PI4KA: variants seen among roughly 807,000 people sequenced by gnomAD.
PI4KA encodes phosphatidylinositol 4-kinase alpha.
Under a neutral mutation model 271.4 loss-of-function variants are expected in PI4KA, and 122 were observed. That is an observed-to-expected ratio of 0.45 (90% CI 0.39 to 0.52). The LOEUF (loss-of-function observed/expected upper bound fraction) is 0.52. PI4KA is among the 20% of genes least tolerant of loss of function. The pLI is 0.00. For synonymous variants in PI4KA, 1,041 were observed against 1,078.8 expected (o/e 0.96, Z 0.69); for missense variants, 1,969 against 2,769.1 (o/e 0.71, Z 6.48).
chr22:20,799,811 G>A (rs1355723947), intron 14 of PI4KA, 45 bp from the exon 15 acceptor site: 5 of 1,255,884 alleles, frequency 4.0e-6, no homozygotes, highest in Admixed American at 2.6e-5. Context: ...ATCAAACCAA[G>A]ATAGGTTTTT....
chr22:20,762,754 C>T (rs911009896), intron 22 of PI4KA, among the ~76,000 whole-genome samples: 2 of 152,152 alleles, frequency 1.3e-5, no homozygotes, highest in East Asian at 3.9e-4. Flanking sequence ...AAAAAGACTA[C>T]AAACAGCTAT....
intron 32 of PI4KA, 93 bp downstream of exon 32, chr22:20,742,135 G>A: frequency 7.5e-7 from 1 of 1,340,410 alleles, no homozygotes; most frequent in Non-Finnish European, 1.0e-6. Flanking sequence ...CTTGCCCAGT[G>A]TCTCCATGCT....
At chr22:20,855,108 T>C (rs1038796570) in intron 1 of PI4KA, among the ~76,000 whole-genome samples, 17 of 147,678 alleles carry the variant, frequency 1.2e-4, no homozygotes, top group Admixed American at 1.0e-3. Flanking sequence ...ACCGAGATCA[T>C]GCCACTGCAC....
intron 2 of PI4KA, among the ~76,000 whole-genome samples, chr22:20,836,928 A>G (rs191859758): frequency 1.1e-4 from 17 of 152,364 alleles, no homozygotes; most frequent in African/African-American, 3.8e-4. Flanking sequence ...TAAATCTATC[A>G]AGAAACGTGT....
chr22:20,805,823 C>T (rs5760715), intron 10 of PI4KA, among the ~76,000 whole-genome samples: 11,130 of 135,386 alleles, frequency 0.082, 424 homozygotes, highest in African/African-American at 0.1. Flanking sequence ...CAGAGCGAGA[C>T]TCCCATCTCA....
chr22:20,838,906 A>C (rs1044262762), intron 1 of PI4KA, among the ~76,000 whole-genome samples, 175 bp from the exon 2 acceptor site: 4 of 152,130 alleles, frequency 2.6e-5, no homozygotes, highest in African/African-American at 4.8e-5. Flanking sequence ...GTGAGACCCT[A>C]TCTCTTAAAT....
chr22:20,777,101 G>A (rs1933354787), intron 19 of PI4KA, among the ~76,000 whole-genome samples: 2 of 152,070 alleles, frequency 1.3e-5, no homozygotes, highest in East Asian at 3.9e-4. Context: ...CCAGGTTGGA[G>A]TGCAGTAGTG....
Position 20,853,600 on chromosome 22 carries a change from CACAG to C in PI4KA, c.156+4966_156+4969del, listed in dbSNP as rs1414719402. The stretch of plus-strand genomic sequence containing the variant: ...GGGTAGGATTTGGTTCAAAGGGCTT[CACAG>C]ACAGAGTGTCCTCTGAGGTGGGTTC... On this transcript the variant is annotated intron_variant, in intron 1 of 54. Coordinates refer to ENST00000255882, the MANE Select transcript of PI4KA (RefSeq NM_058004.4). Among the ~76,000 whole-genome samples, 4 of 152,312 alleles carry C rather than the reference CACAG, an allele frequency of 2.6e-5. No homozygotes were observed. In the Middle Eastern group the frequency reaches 0.01, roughly 389 times the overall value.
At chr22:20,746,248 G>C (rs1442185201) in intron 29 of PI4KA, among the ~76,000 whole-genome samples, 1 of 151,818 alleles carries the variant, frequency 6.6e-6, no homozygotes, top group Non-Finnish European at 1.5e-5. Context: ...ATTTTTAGTA[G>C]AGACGGGGTT....
At chr22:20,851,825 C>T (rs936469366) in intron 1 of PI4KA, among the ~76,000 whole-genome samples, 1 of 152,174 alleles carries the variant, frequency 6.6e-6, no homozygotes, top group Non-Finnish European at 1.5e-5. Flanking sequence ...ATGAAAGTAG[C>T]GTTCTGGCCA....
In PI4KA at chr22:20,721,405, C is replaced by T. The variant is rs772643561; in HGVS notation, c.5009G>A (p.Arg1670Gln). The T allele has an allele frequency of 9.9e-6, 16 of 1,613,718 alleles. No individual in the cohort carries two copies. Among genetic ancestry groups the T allele is most frequent in the Admixed American group, 6.7e-5 (4 of 60,002 alleles). ...ALRYDKMGYVREYILWAASKS... is the reference protein window; with the variant it reads ...ALRYDKMGYVQEYILWAASKS... ...AGACGCTGCCCACAGAATATACTCC[C>T]GCACATAGCCCATCTGCAGGAGAGC... The change falls in exon 43 of 55, where the codon CGG becomes CAG. Residue 1670 changes from arginine (R) to glutamine (Q), a missense_variant. Physicochemically the swap from Arg to Gln is conservative, Grantham distance 43. Around this residue, in one of 13 missense-constraint regions of PI4KA, gnomAD observed 388 missense variants for 521.5 expected, o/e 0.74. Coordinates refer to ENST00000255882, the MANE Select transcript of PI4KA (RefSeq NM_058004.4).
chr22:20,821,643 A>G (rs921117706), intron 4 of PI4KA, among the ~76,000 whole-genome samples: 4 of 151,620 alleles, frequency 2.6e-5, no homozygotes, highest in African/African-American at 9.7e-5. Context: ...CCCAGGCTGC[A>G]GTGCAATGGC....
Position 20,731,854 on chromosome 22 carries a change from G to A in PI4KA, c.4288+1117C>T, listed in dbSNP as rs190162300. 6.3e-3 allele frequency among the ~76,000 whole-genome samples: 957 copies of A among 152,066 alleles called. 5 individuals are homozygous for A. The highest frequency in any genetic ancestry group is 0.01 in the Admixed American group (154 of 15,268). On this transcript the variant is annotated intron_variant, in intron 36 of 54. Transcript: ENST00000255882. ...TGAAGCAGGAGAATGGTGTGAACCCGGGAGGCGGAGCTTGCAGTGAGCGGA... is the reference window on the plus strand; with the variant it reads ...TGAAGCAGGAGAATGGTGTGAACCCAGGAGGCGGAGCTTGCAGTGAGCGGA...
intron 19 of PI4KA, among the ~76,000 whole-genome samples, chr22:20,792,389 G>A (rs1429873465): frequency 6.6e-6 from 1 of 152,138 alleles, no homozygotes; most frequent in Non-Finnish European, 1.5e-5. Flanking sequence ...GGCTGCCCTA[G>A]CAGTTCTGCC....
intron 17 of PI4KA, among the ~76,000 whole-genome samples, chr22:20,796,679 T>G (rs1220086133): frequency 6.6e-6 from 1 of 152,258 alleles, no homozygotes. Context: ...AGGTTGGATC[T>G]TGCTTCCCCC....
intron 42 of PI4KA, among the ~76,000 whole-genome samples, chr22:20,722,488 G>A (rs968012255): frequency 6.6e-6 from 1 of 152,096 alleles, no homozygotes; most frequent in African/African-American, 2.4e-5. Context: ...CACCTGGCCA[G>A]GAAGTTCTTT....
chr22:20,828,255 CAG>C (rs1057287103), intron 3 of PI4KA, among the ~76,000 whole-genome samples: 6 of 152,090 alleles, frequency 3.9e-5, no homozygotes, highest in African/African-American at 1.4e-4. Context: ...GGGCTTTGGG[CAG>C]AGACTATAGG....
chr22:20,743,519 G>A (rs768603546), intron 30 of PI4KA, among the ~76,000 whole-genome samples: 2 of 151,886 alleles, frequency 1.3e-5, no homozygotes, highest in Non-Finnish European at 1.5e-5. Flanking sequence ...GCAGTGGTGC[G>A]ATCATAGTTC....
intron 11 of PI4KA, 72 bp downstream of exon 11, chr22:20,804,902 G>T: frequency 7.8e-7 from 1 of 1,276,434 alleles, no homozygotes; most frequent in Non-Finnish European, 1.1e-6. Context: ...AAGTAGTTTG[G>T]GGAAACTTGT....
Sources: gnomAD v4.1 joint callset for allele counts (sites outside exome capture counted in the v4.1 genomes callset) on GRCh38, gnomAD v4.1.1 for gene constraint, gnomAD v4.1.1 regional missense constraint, MANE v1.5 for transcripts, NCBI Gene and HGNC (gene_info 2026-07-23, HGNC 2026-07-21) for gene names.